SLC25A26: variants seen among roughly 807,000 people sequenced by gnomAD.
SLC25A26 encodes the protein solute carrier family 25 member 26.
SLC25A26 carries 36 observed loss-of-function variants against 37.8 expected under a neutral mutation model. The observed-to-expected ratio is 0.95, with a 90% CI of 0.73 to 1.26. The LOEUF (loss-of-function observed/expected upper bound fraction) is 1.26. Among genes scored for constraint, SLC25A26 ranks in the 50% most tolerant of loss-of-function variants. The pLI is 0.00. For synonymous variants in SLC25A26, 129 were observed against 122.5 expected (o/e 1.05, Z -0.35); for missense variants, 390 against 331.1 (o/e 1.18, Z -1.38).
chr3:66,352,420 C>CTTT (rs2076474544), intron 6 of SLC25A26, among the ~76,000 whole-genome samples: 1 of 140,430 alleles, frequency 7.1e-6, no homozygotes, highest in African/African-American at 3.0e-5. Context: ...CGCCTCCCCT[C>CTTT]GTTTTTTGTT....
intron 5 of SLC25A26, among the ~76,000 whole-genome samples, chr3:66,334,608 G>A (rs1453269496): frequency 1.3e-5 from 2 of 152,068 alleles, no homozygotes; most frequent in Non-Finnish European, 2.9e-5. Flanking sequence ...GAATTACTGC[G>A]CCGGGCCCTG....
intron 1 of SLC25A26, among the ~76,000 whole-genome samples, chr3:66,187,167 AC>A (rs1463368885): frequency 7.9e-5 from 12 of 151,654 alleles, no homozygotes; most frequent in African/African-American, 2.4e-4. Flanking sequence ...TTGCATCTTG[AC>A]CTTGACCCTG....
chr3:66,312,050 C>G (rs1403366744), intron 5 of SLC25A26, among the ~76,000 whole-genome samples: 1 of 152,224 alleles, frequency 6.6e-6, no homozygotes, highest in African/African-American at 2.4e-5. Context: ...CTCTTCAGAG[C>G]TGGCAGACAG....
chr3:66,150,524 G>T (rs1238872015), intron 1 of SLC25A26, among the ~76,000 whole-genome samples: 1 of 103,656 alleles, frequency 9.6e-6, no homozygotes, highest in Non-Finnish European at 1.9e-5. Flanking sequence ...TATATATAAT[G>T]ATATATATAT....
chr3:66,140,811 C>T (rs1021669289), intron 1 of SLC25A26, among the ~76,000 whole-genome samples: 3 of 152,026 alleles, frequency 2.0e-5, no homozygotes, highest in Admixed American at 6.6e-5. Flanking sequence ...GCATGCCAGC[C>T]CTTTTAACAA....
intron 3 of SLC25A26, among the ~76,000 whole-genome samples, chr3:66,252,470 A>C (rs1411111009): frequency 1.3e-5 from 2 of 152,220 alleles, no homozygotes; most frequent in Admixed American, 6.5e-5. Flanking sequence ...GATCGGGGTC[A>C]GATTTGTGAC....
Position 66,221,029 on chromosome 3 carries a change from G to C in SLC25A26, c.-66G>C. The C allele has an allele frequency of 6.6e-7, 1 of 1,515,874 alleles. No homozygotes were observed. Among genetic ancestry groups the C allele is most frequent in the Non-Finnish European group, 8.9e-7 (1 of 1,128,132 alleles). 93.9% of individuals were successfully genotyped at this position (1,515,874 alleles called of 1,614,324 possible). ...CCCGCCTCAAACATGGCGGCGCCCAGCGCGCGAGGACGTGATCCGCTTCTG... is the reference window on the plus strand; with the variant it reads ...CCCGCCTCAAACATGGCGGCGCCCACCGCGCGAGGACGTGATCCGCTTCTG... On this transcript the variant is annotated 5_prime_UTR_variant, in exon 1 of 10. Coordinates refer to ENST00000354883, the MANE Select transcript of SLC25A26 (RefSeq NM_001379210.1).
chr3:66,364,412 G>A lies in SLC25A26; in HGVS notation c.568+1483G>A, dbSNP rs142297317. 5.9e-3 allele frequency among the ~76,000 whole-genome samples: 904 copies of A among 152,234 alleles called. 14 individuals carry two copies. The highest frequency in any genetic ancestry group is 0.021 in the African/African-American group (872 of 41,550). On this transcript the variant is annotated intron_variant, in intron 7 of 9. Transcript: ENST00000354883. ...ACCTGGGGAGTGTGGCAGCACAGCC[G>A]GTGCTCCAGTGATGCTGGGGTATGG...
chr3:66,282,461 G>T (rs1410583799), intron 5 of SLC25A26, among the ~76,000 whole-genome samples: 1 of 152,042 alleles, frequency 6.6e-6, no homozygotes, highest in African/African-American at 2.4e-5. Context: ...TAGTCTTTGA[G>T]AACCTCCTTG....
intron 5 of SLC25A26, among the ~76,000 whole-genome samples, chr3:66,303,698 T>C (rs10865666): frequency 0.53 from 81,105 of 151,980 alleles, 22,195 homozygotes; most frequent in East Asian, 0.77. Context: ...ACCACAACTT[T>C]AGTGGTTTAA....
chr3:66,366,061 A>T (rs1049558152), intron 7 of SLC25A26, among the ~76,000 whole-genome samples: 2 of 152,218 alleles, frequency 1.3e-5, no homozygotes, highest in African/African-American at 2.4e-5. Context: ...CCCCAAGGAA[A>T]TAGGAGATAA....
intron 1 of SLC25A26, among the ~76,000 whole-genome samples, chr3:66,188,104 T>A (rs1170302538): frequency 6.6e-6 from 1 of 152,104 alleles, no homozygotes; most frequent in Non-Finnish European, 1.5e-5. Context: ...TCACTCACTG[T>A]AATCTTGATA....
At chr3:66,327,493 A>G (rs981997567) in intron 5 of SLC25A26, among the ~76,000 whole-genome samples, 12 of 152,178 alleles carry the variant, frequency 7.9e-5, no homozygotes, top group Admixed American at 2.0e-4. Flanking sequence ...ATATTTGTTA[A>G]CCAGTTCTCC....
chr3:66,246,963 G>A (rs1296099252), intron 3 of SLC25A26, among the ~76,000 whole-genome samples: 13 of 152,108 alleles, frequency 8.5e-5, no homozygotes, highest in African/African-American at 2.7e-4. Flanking sequence ...CCAGGTTCAC[G>A]CCATTCTCTT....
chr3:66,191,451 C>T (rs1294746665), intron 1 of SLC25A26, among the ~76,000 whole-genome samples: 1 of 152,130 alleles, frequency 6.6e-6, no homozygotes, highest in African/African-American at 2.4e-5. Flanking sequence ...CAGTTTTAGA[C>T]ATTCCTCTCA....
chr3:66,243,352 C>T (rs782069678), intron 3 of SLC25A26, 40 bp downstream of exon 3: 4 of 935,622 alleles, frequency 4.3e-6, no homozygotes, highest in Non-Finnish European at 6.9e-6. Flanking sequence ...TTCAGAAATG[C>T]ACATCATGCA....
rs1337291928 is a variant in SLC25A26, at chr3:66,377,996, G to C, written c.*189G>C. 1 of 526,256 alleles carries C rather than the reference G, an allele frequency of 1.9e-6. No homozygotes were observed. The highest frequency in any genetic ancestry group is 1.9e-5 in the African/African-American group (1 of 53,178). The allele number at this position is 526,256 out of a possible 1,614,324, so 32.6% of individuals were successfully genotyped here. On this transcript the variant is annotated 3_prime_UTR_variant, in exon 10 of 10. Transcript: ENST00000354883. ...TGAAGTCATTGGCCTGTATGCCAGA[G>C]AGCTAAGAGAAGAAAACGGGGTCTG...
At chr3:66,287,458 T>C (rs2074554805) in intron 5 of SLC25A26, among the ~76,000 whole-genome samples, 1 of 152,208 alleles carries the variant, frequency 6.6e-6, no homozygotes, top group African/African-American at 2.4e-5. Flanking sequence ...GTCTCTATTT[T>C]TCTGAACATG....
At chr3:66,206,894 C>CTTTT (rs1192766670) in intron 1 of SLC25A26, among the ~76,000 whole-genome samples, 1 of 124,566 alleles carries the variant, frequency 8.0e-6, no homozygotes, top group Non-Finnish European at 1.7e-5. Context: ...TTCTTTCTTT[C>CTTTT]TTTTTTTTTT....
Sources: gnomAD v4.1 joint callset for allele counts (sites outside exome capture counted in the v4.1 genomes callset) on GRCh38, gnomAD v4.1.1 for gene constraint, MANE v1.5 for transcripts, NCBI Gene and HGNC (gene_info 2026-07-23, HGNC 2026-07-21) for gene names.